Variants in CCNYL1 observed in about 807,000 individuals in gnomAD.
CCNYL1 encodes the protein cyclin Y like 1, also known as cyclin-Y-like protein 1.
CCNYL1 carries 16 observed loss-of-function variants against 44.2 expected under a neutral mutation model. That is an observed-to-expected ratio of 0.36 (90% CI 0.25 to 0.55). The LOEUF is 0.55. Among genes scored for constraint, CCNYL1 ranks in the 20% least tolerant of loss-of-function variants. CCNYL1 has a pLI of 0.85. For missense variants in CCNYL1, 348 were observed against 451.8 expected, an observed-to-expected ratio of 0.77 and a Z score of 2.08; for synonymous variants, 159 against 163.2, an observed-to-expected ratio of 0.97 and a Z score of 0.20.
At chr2:207,738,728 T>C (rs12988300) in intron 5 of CCNYL1, among the ~76,000 whole-genome samples, 5 of 139,360 alleles carry the variant, frequency 3.6e-5, no homozygotes, top group African/African-American at 5.3e-5. Flanking sequence ...CTTTTTTTTT[T>C]CTTTTTTTTG....
chr2:207,716,097 C>T (rs2091592253), intron 1 of CCNYL1, among the ~76,000 whole-genome samples: 1 of 152,188 alleles, frequency 6.6e-6, no homozygotes, highest in South Asian at 2.1e-4. Context: ...GTATCAGTAA[C>T]ACAAAATAAG....
chr2:207,751,357 A>T (rs1319239880), intron 9 of CCNYL1, among the ~76,000 whole-genome samples: 3 of 152,252 alleles, frequency 2.0e-5, no homozygotes, highest in African/African-American at 7.2e-5. Flanking sequence ...AGAATATTTT[A>T]AATCAAATTT....
In CCNYL1 at chr2:207,734,344, A is replaced by T. The variant is rs1052672936; in HGVS notation, c.431+297A>T. ...GTGTCGAACATAATGTGAGAAGGAG[A>T]GGTGCTTTTTATTGGATGTTTCTGG... On this transcript the variant is annotated intron_variant, in intron 4 of 9. Coordinates refer to ENST00000295414, the MANE Select transcript of CCNYL1 (RefSeq NM_001330218.2). Among the ~76,000 whole-genome samples the T allele has an allele frequency of 6.6e-5, 10 of 152,216 alleles. 1 individual carries two copies. The highest frequency in any genetic ancestry group is 1.2e-4 in the Non-Finnish European group (8 of 68,042).
intron 1 of CCNYL1, among the ~76,000 whole-genome samples, chr2:207,721,474 T>G (rs187840852): frequency 4.6e-5 from 7 of 152,364 alleles, no homozygotes; most frequent in Admixed American, 2.0e-4. Flanking sequence ...AGATGGCTGA[T>G]AGATTCAAGG....
intron 6 of CCNYL1, among the ~76,000 whole-genome samples, chr2:207,741,155 T>C (rs918090354): frequency 1.3e-5 from 2 of 151,962 alleles, no homozygotes; most frequent in African/African-American, 4.8e-5. Context: ...CTTGGGAGGC[T>C]GAGGCAGGAG....
At chr2:207,728,012 G>C (rs1376399670) in intron 3 of CCNYL1, among the ~76,000 whole-genome samples, 1 of 149,008 alleles carries the variant, frequency 6.7e-6, no homozygotes, top group Non-Finnish European at 1.5e-5. Flanking sequence ...CCCCCAGGCT[G>C]GAGTGCAGTG....
chr2:207,725,973 ATTTT>A (rs942091325), intron 2 of CCNYL1, among the ~76,000 whole-genome samples: 7 of 152,194 alleles, frequency 4.6e-5, no homozygotes, highest in African/African-American at 1.4e-4. Context: ...TGTAAGCAGC[ATTTT>A]CGAAGCTCGT....
At chr2:207,739,821 T>C (rs1417813576) in intron 5 of CCNYL1, among the ~76,000 whole-genome samples, 2 of 152,222 alleles carry the variant, frequency 1.3e-5, no homozygotes, top group Non-Finnish European at 2.9e-5. Context: ...GCATAACTTC[T>C]AGTATAATTT....
chr2:207,724,292 A>G (rs531373226), intron 1 of CCNYL1, among the ~76,000 whole-genome samples: 50 of 152,320 alleles, frequency 3.3e-4, no homozygotes, highest in Admixed American at 1.0e-3. Context: ...ACAGCTAACT[A>G]AATTAGTTTA....
intron 7 of CCNYL1, among the ~76,000 whole-genome samples, chr2:207,746,133 G>T (rs1373304231): frequency 1.3e-5 from 2 of 152,168 alleles, no homozygotes; most frequent in African/African-American, 2.4e-5. Flanking sequence ...AATACCAGGG[G>T]TCCAGAGACA....
At chr2:207,726,070 A>G (rs1575212457) in intron 2 of CCNYL1, among the ~76,000 whole-genome samples, 1 of 152,264 alleles carries the variant, frequency 6.6e-6, no homozygotes, top group African/African-American at 2.4e-5. Flanking sequence ...CTTCTCACAC[A>G]GACAGAGTGT....
intron 1 of CCNYL1, among the ~76,000 whole-genome samples, chr2:207,724,568 T>A (rs936714487): frequency 1.1e-4 from 16 of 152,244 alleles, no homozygotes; most frequent in Non-Finnish European, 1.9e-4. Context: ...TAGGCACAGA[T>A]TTTTTATTAA....
intron 9 of CCNYL1, among the ~76,000 whole-genome samples, chr2:207,751,401 C>T (rs1428885347): frequency 6.6e-6 from 1 of 152,228 alleles, no homozygotes; most frequent in African/African-American, 2.4e-5. Flanking sequence ...TTTTGAACTT[C>T]TACCCTTTCA....
At chr2:207,749,254 A>C (rs2091875709) in intron 8 of CCNYL1, among the ~76,000 whole-genome samples, 1 of 152,182 alleles carries the variant, frequency 6.6e-6, no homozygotes, top group African/African-American at 2.4e-5. Flanking sequence ...GCATTTCAAC[A>C]AACTGTTTAA....
At chr2:207,732,263 G>A (rs59723062) in intron 3 of CCNYL1, among the ~76,000 whole-genome samples, 21,247 of 152,154 alleles carry the variant, frequency 0.14, 2,371 homozygotes, top group East Asian at 0.38. Flanking sequence ...AGAAACATGA[G>A]TTTAGATATA....
chr2:207,748,732 G>A (rs896602304), intron 8 of CCNYL1, among the ~76,000 whole-genome samples: 2 of 152,198 alleles, frequency 1.3e-5, no homozygotes, highest in Admixed American at 1.3e-4. Flanking sequence ...CTGAAGTGAG[G>A]ATACTTGTGA....
chr2:207,732,140 A>G (rs1420634270), intron 3 of CCNYL1, among the ~76,000 whole-genome samples: 1 of 152,136 alleles, frequency 6.6e-6, no homozygotes, highest in Non-Finnish European at 1.5e-5. Context: ...ATGTATTTGA[A>G]TGAGTCAGTT....
At position 207,734,519 on chromosome 2, in the gene CCNYL1, C is replaced by T. The variant is rs2091750785; in HGVS notation, c.431+472C>T. 2.0e-5 allele frequency among the ~76,000 whole-genome samples: 3 copies of T among 152,232 alleles called. No individual in the cohort carries two copies. The South Asian group carries it at 6.2e-4, about 32-fold the overall frequency. On this transcript the variant is annotated intron_variant, in intron 4 of 9. Transcript: ENST00000295414. ...CTGTCGTGCATGAGCACCTCTTGGG[C>T]ACAATCTGAGATGCACTTTCAGAAC... is the stretch of plus-strand genomic sequence containing the variant.
intron 9 of CCNYL1, among the ~76,000 whole-genome samples, chr2:207,752,669 T>G (rs2091902366): frequency 6.6e-6 from 1 of 152,208 alleles, no homozygotes; most frequent in Non-Finnish European, 1.5e-5. Flanking sequence ...TGGACACATA[T>G]TTTAAACTAA....
Sources: gnomAD v4.1 joint callset for allele counts (sites outside exome capture counted in the v4.1 genomes callset) on GRCh38, gnomAD v4.1.1 for gene constraint, MANE v1.5 for transcripts, NCBI Gene and HGNC (gene_info 2026-07-23, HGNC 2026-07-21) for gene names.